The following KDM2B variants were observed in gnomAD, a reference collection of about 807,000 sequenced individuals.
The protein encoded by KDM2B is lysine-specific demethylase 2B.
KDM2B carries 26 observed loss-of-function variants against 150.0 expected under a neutral mutation model. The ratio of observed to expected loss-of-function variants is 0.17; its 90% CI spans 0.13 to 0.24. The LOEUF is 0.24. KDM2B is among the 10% of genes least tolerant of loss of function. The pLI, the probability that KDM2B is intolerant of heterozygous loss-of-function variation, is 1.00. For synonymous variants in KDM2B, 734 were observed against 729.5 expected (o/e 1.01, Z -0.10); for missense variants, 1,265 against 1,816.9 (o/e 0.70, Z 5.52).
intron 6 of KDM2B, among the ~76,000 whole-genome samples, chr12:121,540,894 G>A (rs1346245624): frequency 1.3e-5 from 2 of 151,772 alleles, no homozygotes; most frequent in Admixed American, 6.6e-5. Flanking sequence ...AGAAGGCAGG[G>A]CAGAGATGGC....
the KDM2B span, among the ~76,000 whole-genome samples, chr12:121,419,652 T>C: frequency 6.6e-6 from 1 of 152,170 alleles, no homozygotes; most frequent in Non-Finnish European, 1.5e-5. Flanking sequence ...AAAGAAAATA[T>C]GTGAAGGAAG....
At chr12:121,481,407 C>T (rs1430397857) in intron 12 of KDM2B, among the ~76,000 whole-genome samples, 2 of 152,104 alleles carry the variant, frequency 1.3e-5, no homozygotes, top group Non-Finnish European at 2.9e-5. Context: ...GAAAATATTT[C>T]ACCTGTCTAA....
intron 8 of KDM2B, among the ~76,000 whole-genome samples, chr12:121,527,071 G>A (rs1315482642): frequency 5.9e-5 from 9 of 151,632 alleles, no homozygotes; most frequent in Admixed American, 1.3e-4. Context: ...TTTTTGAGAC[G>A]GAGTCTCGCT....
rs199787226 is a variant in KDM2B at position 121,430,182 on chromosome 12, G to A, written c.*106C>T. On this transcript the variant is annotated 3_prime_UTR_variant, in exon 23 of 23. Transcript: ENST00000377071. This position sits in a 1 kb window ranked among gnomAD's most constrained non-coding sequence, Gnocchi z 4.4. ...GGAAAGACTTGCAAAATGGAATTGC[G>A]TTGTGGTCTGTTGTCCCACGTTCCA... The A allele has an allele frequency of 5.0e-4, 806 of 1,614,040 alleles. 2 individuals carry two copies. Among genetic ancestry groups the A allele is most frequent in the Non-Finnish European group, 6.4e-4 (750 of 1,180,040 alleles).
At chr12:121,580,268 T>C (rs1269688195) in intron 1 of KDM2B, 3 of 1,157,672 alleles carry the variant, frequency 2.6e-6, no homozygotes, top group Non-Finnish European at 3.2e-6. Context: ...GGGGGAGGCG[T>C]CGACGTCATA....
the KDM2B span, among the ~76,000 whole-genome samples, chr12:121,421,386 AAAAAAAAAAAAAC>A: frequency 7.3e-6 from 1 of 136,446 alleles, no homozygotes; most frequent in African/African-American, 2.5e-5. Flanking sequence ...AAAAAAAAAA[AAAAAAAAAAAAAC>A]CAAAAAAACC....
intron 19 of KDM2B, 156 bp from the exon 20 acceptor site, chr12:121,441,389 G>A (rs565476755): frequency 3.3e-5 from 21 of 641,252 alleles, no homozygotes; most frequent in South Asian, 1.0e-4. Context: ...CTGCCCCCAC[G>A]CGGGCACCTC....
chr12:121,437,174 C>T (rs551914385), intron 22 of KDM2B, among the ~76,000 whole-genome samples: 53 of 152,016 alleles, frequency 3.5e-4, no homozygotes, highest in Non-Finnish European at 6.2e-4. Flanking sequence ...AGTCAGGAGG[C>T]AGCTCTCGTA....
chr12:121,453,810 A>T lies in KDM2B; in HGVS notation c.1735-466T>A, dbSNP rs2138815898. ...GGCCTCCAGAACCGGGAGAGAAGAA[A>T]GGCCGGTTGTTTTAAGCCACCCGTT... On this transcript the variant is annotated intron_variant, in intron 12 of 22. Transcript: ENST00000377071. The surrounding 1 kb of genome is among the most constrained non-coding windows in gnomAD (Gnocchi z 6.4). Among the ~76,000 whole-genome samples the T allele has an allele frequency of 6.6e-6, 1 of 152,244 alleles. No homozygotes were observed. The highest frequency in any genetic ancestry group is 2.1e-4 in the South Asian group (1 of 4,826).
rs782223672 is a variant in KDM2B, at chr12:121,549,034, C to A, written c.577-51G>T. ...TGCATTTCTCCACTGCCGAGCCAGA[C>A]ACAAATACCCCTTTCCCCGGAGAGT... On this transcript the variant is annotated intron_variant, in intron 5 of 22. Coordinates refer to ENST00000377071, the MANE Select transcript of KDM2B (RefSeq NM_032590.5). This position sits in a 1 kb window ranked among gnomAD's most constrained non-coding sequence, Gnocchi z 4.4. 1 of 1,441,008 alleles carries A rather than the reference C, an allele frequency of 6.9e-7. No homozygotes were observed. The highest frequency in any genetic ancestry group is 1.1e-5 in the South Asian group (1 of 87,450). 89.3% of individuals were successfully genotyped at this position (1,441,008 alleles called of 1,614,324 possible). A position where few individuals can be genotyped will look rare whatever the true frequency, so the allele number is the denominator to read the frequency against.
At chr12:121,432,739 A>G (rs1593703457) in intron 22 of KDM2B, among the ~76,000 whole-genome samples, 1 of 152,206 alleles carries the variant, frequency 6.6e-6, no homozygotes, top group East Asian at 1.9e-4. Context: ...TGCCTTCCAG[A>G]GCACTGTCTA....
At chr12:121,483,054 T>C (rs1428898910) in intron 12 of KDM2B, among the ~76,000 whole-genome samples, 1 of 151,648 alleles carries the variant, frequency 6.6e-6, no homozygotes, top group Non-Finnish European at 1.5e-5. Flanking sequence ...TCCCAGCTAC[T>C]CGGGAGGCTG....
chr12:121,552,852 T>C (rs1889609969), intron 4 of KDM2B, among the ~76,000 whole-genome samples: 1 of 152,098 alleles, frequency 6.6e-6, no homozygotes, highest in Non-Finnish European at 1.5e-5. Context: ...TTGGCAAGGC[T>C]AGCTCCTTCC....
chr12:121,421,458 G>T, the KDM2B span, among the ~76,000 whole-genome samples: 15 of 151,390 alleles, frequency 9.9e-5, no homozygotes, highest in Middle Eastern at 3.4e-3. Flanking sequence ...GAGGCTGAGG[G>T]GGGAGGATTG....
intron 1 of KDM2B, among the ~76,000 whole-genome samples, chr12:121,579,411 C>T (rs1301997681): frequency 6.6e-6 from 1 of 152,130 alleles, no homozygotes; most frequent in African/African-American, 2.4e-5. Flanking sequence ...AACCGGGGGC[C>T]GGCGGCATTT....
intron 12 of KDM2B, among the ~76,000 whole-genome samples, chr12:121,479,478 A>AC (rs1881832732): frequency 6.6e-6 from 1 of 150,830 alleles, no homozygotes; most frequent in Non-Finnish European, 1.5e-5. Context: ...AAAAAAAAAA[A>AC]ACAGATGGGG....
chr12:121,439,834 C>T (rs368204736), intron 22 of KDM2B, 23 bp downstream of exon 22: 42 of 1,596,156 alleles, frequency 2.6e-5, no homozygotes, highest in Non-Finnish European at 3.6e-5. Flanking sequence ...GTTAGGCAGA[C>T]CCGATGGGGG....
At chr12:121,516,478 GTCGCCTTCCACCC>G in intron 9 of KDM2B, 1 of 1,353,298 alleles carries the variant, frequency 7.4e-7, no homozygotes. Context: ...CAAACAGGTT[GTCGCCTTCCACCC>G]TTCGCCTTCA....
At chr12:121,432,570 A>G (rs1873237138) in intron 22 of KDM2B, among the ~76,000 whole-genome samples, 1 of 152,160 alleles carries the variant, frequency 6.6e-6, no homozygotes, top group South Asian at 2.1e-4. Flanking sequence ...CCACATTCAC[A>G]CTTGTCATCT....
Sources: allele counts gnomAD v4.1 joint callset (sites outside exome capture counted in the v4.1 genomes callset), GRCh38; gene constraint gnomAD v4.1.1; non-coding constraint Gnocchi (gnomAD v3.1); transcripts MANE v1.5; gene names NCBI Gene and HGNC (gene_info 2026-07-23, HGNC 2026-07-21).